The following MAP2K6 variants were observed in gnomAD, a reference collection of about 807,000 sequenced individuals.
MAP2K6 encodes mitogen-activated protein kinase kinase 6.
In MAP2K6, 16 loss-of-function variants were observed where a neutral mutation model predicts 53.7. The ratio of observed to expected loss-of-function variants is 0.30; its 90% CI spans 0.20 to 0.45. MAP2K6 has a LOEUF of 0.45. Ranked by LOEUF, MAP2K6 falls within the 20% of genes least tolerant of loss-of-function variation. MAP2K6 has a pLI of 1.00. For synonymous variants in MAP2K6, 132 were observed against 143.1 expected (o/e 0.92, Z 0.55); for missense variants, 204 against 411.9 (o/e 0.50, Z 4.37).
At chr17:69,511,156 A>G (rs571084082) in intron 2 of MAP2K6, among the ~76,000 whole-genome samples, 19 of 152,236 alleles carry the variant, frequency 1.2e-4, no homozygotes, top group African/African-American at 4.3e-4. Flanking sequence ...AGCAGTTTAT[A>G]TTTTCCCTCG....
In MAP2K6 at chr17:69,553,310, G is replaced by C. The variant is rs1912170567; in HGVS notation, c.*11557G>C. The C allele has an allele frequency of 1.3e-5, 2 of 152,074 alleles. No homozygotes were observed. The highest frequency in any genetic ancestry group is 4.1e-4 in the South Asian group (2 of 4,826). The allele number at this position is 152,074 out of a possible 1,614,324, so 9.4% of individuals were successfully genotyped here. A position where few individuals can be genotyped will look rare whatever the true frequency, so the allele number is the denominator to read the frequency against. On this transcript the variant is annotated 3_prime_UTR_variant, in exon 12 of 12. Coordinates refer to ENST00000590474, the MANE Select transcript of MAP2K6 (RefSeq NM_002758.4). ...TCCAAGATCATATTTTTAAAAAGTA[G>C]GTTTCTGATGTGCCATGAAATATTT...
intron 1 of MAP2K6, among the ~76,000 whole-genome samples, chr17:69,453,717 G>C (rs11870230): frequency 7.9e-5 from 12 of 152,150 alleles, no homozygotes; most frequent in Non-Finnish European, 1.5e-4. Context: ...ATGCAATTTA[G>C]CAATTTTTGT....
intron 1 of MAP2K6, chr17:69,502,014 A>T (rs1163752785): frequency 3.3e-6 from 1 of 307,550 alleles, no homozygotes; most frequent in Non-Finnish European, 4.7e-6. Flanking sequence ...ACACAGCTGG[A>T]AACTGACCAC....
intron 1 of MAP2K6, among the ~76,000 whole-genome samples, chr17:69,449,477 G>C (rs1351057716): frequency 8.0e-6 from 1 of 125,662 alleles, no homozygotes; most frequent in Non-Finnish European, 1.8e-5. Flanking sequence ...AGTCCTCTGA[G>C]GTGTTGGTTG....
At position 69,434,626 on chromosome 17, in the gene MAP2K6, A is replaced by C. The variant is rs1363532450; in HGVS notation, c.16+19626A>C. The C allele has an allele frequency of 3.3e-5, 5 of 152,208 alleles. No homozygotes were observed. In the South Asian group the frequency reaches 1.0e-3, roughly 32 times the overall value. 9.4% of individuals were successfully genotyped at this position (152,208 alleles called of 1,614,324 possible). ...TGCACCAAGGTTATGATAAAATGCA[A>C]AGCCACACCTAACATGGGCTCTTCC... On this transcript the variant is annotated intron_variant, in intron 1 of 11. Coordinates refer to ENST00000590474, the MANE Select transcript of MAP2K6 (RefSeq NM_002758.4).
chr17:69,483,389 A>G (rs1462115585), intron 1 of MAP2K6, among the ~76,000 whole-genome samples: 1 of 152,152 alleles, frequency 6.6e-6, no homozygotes. Flanking sequence ...CTTGGAATAA[A>G]TTTAACGAAA....
In MAP2K6 at chr17:69,438,875, G is replaced by A. The variant is rs565747460; in HGVS notation, c.16+23875G>A. ...GCTGGGATTGCAGGCATGAGCCACC[G>A]CGCCCAGCTGGTACATTTTAAAATG... On this transcript the variant is annotated intron_variant, in intron 1 of 11. Transcript: ENST00000590474. 3.3e-5 allele frequency among the ~76,000 whole-genome samples: 5 copies of A among 152,230 alleles called. No homozygotes were observed. In the East Asian group the frequency reaches 7.7e-4, roughly 24 times the overall value.
chr17:69,450,593 G>A (rs904777492), intron 1 of MAP2K6, among the ~76,000 whole-genome samples: 9 of 152,178 alleles, frequency 5.9e-5, no homozygotes, highest in African/African-American at 2.2e-4. Context: ...GAAGTAGGAC[G>A]TGGGAGGTCA....
At position 69,517,609 on chromosome 17, in the gene MAP2K6, T is replaced by C. The variant is rs760441802; in HGVS notation, c.242T>C (p.Val81Ala). The C allele has an allele frequency of 3.8e-6, 6 of 1,595,444 alleles. No homozygotes were observed. Among genetic ancestry groups the C allele is most frequent in the Non-Finnish European group, 5.1e-6 (6 of 1,169,552 alleles). The change falls in exon 4 of 12, where the codon GTG becomes GCG. Residue 81 changes from valine (V) to alanine (A), a missense_variant. Val to Ala is a moderately conservative substitution (Grantham distance 64, BLOSUM62 0). Transcript: ENST00000590474. The stretch of plus-strand genomic sequence containing the variant: ...GTGCCCAGCGGGCAGATCATGGCAG[T>C]GAAGGTAGAGTTGACATTCTCCCAA... The part of the protein sequence containing the change: ...RHVPSGQIMA[V>A]KRIRATVNSQ...
intron 1 of MAP2K6, among the ~76,000 whole-genome samples, chr17:69,416,176 G>C (rs1387805570): frequency 6.6e-6 from 1 of 152,200 alleles, no homozygotes; most frequent in Admixed American, 6.5e-5. Context: ...GGTCTAACAA[G>C]CTTTTTGCTA....
At chr17:69,444,784 A>T (rs922948149) in intron 1 of MAP2K6, among the ~76,000 whole-genome samples, 2 of 152,232 alleles carry the variant, frequency 1.3e-5, no homozygotes, top group Non-Finnish European at 2.9e-5. Context: ...TGGAAGAGTC[A>T]CCAAACATAA....
rs1308465238 is a variant in MAP2K6 at position 69,494,032 on chromosome 17, C to T, written c.17-11748C>T. Among the ~76,000 whole-genome samples the T allele has an allele frequency of 1.3e-5, 2 of 152,196 alleles. No homozygotes were observed. Among genetic ancestry groups the T allele is most frequent in the Non-Finnish European group, 2.9e-5 (2 of 68,042 alleles). On this transcript the variant is annotated intron_variant, in intron 1 of 11. Transcript: ENST00000590474. This position sits in a 1 kb window ranked among gnomAD's most constrained non-coding sequence, Gnocchi z 4.2. ...CTGCAAAGTAGTCTTGCCAAACAAT[C>T]TGATCAAGTTGAATCTGATCAATTT...
chr17:69,482,859 C>T (rs966588311), intron 1 of MAP2K6, among the ~76,000 whole-genome samples: 1 of 152,002 alleles, frequency 6.6e-6, no homozygotes, highest in African/African-American at 2.4e-5. Context: ...TTTTGCCAAG[C>T]GTTCCTTCAA....
intron 1 of MAP2K6, among the ~76,000 whole-genome samples, chr17:69,450,006 C>G (rs1907157771): frequency 6.6e-6 from 1 of 151,858 alleles, no homozygotes; most frequent in South Asian, 2.1e-4. Flanking sequence ...GCGATCTTGG[C>G]TCACTGCAAC....
chr17:69,420,675 T>C (rs1598252241), intron 1 of MAP2K6, among the ~76,000 whole-genome samples: 1 of 152,220 alleles, frequency 6.6e-6, no homozygotes, highest in East Asian at 1.9e-4. Context: ...ATCTACAGAT[T>C]CTCTGTCCGT....
intron 1 of MAP2K6, among the ~76,000 whole-genome samples, chr17:69,439,226 A>G (rs1245362978): frequency 6.6e-6 from 1 of 152,154 alleles, no homozygotes; most frequent in East Asian, 1.9e-4. Context: ...CTGTTTTCCT[A>G]TGAGGTCTCC....
intron 10 of MAP2K6, among the ~76,000 whole-genome samples, chr17:69,529,113 C>T (rs1408570106): frequency 6.6e-6 from 1 of 152,086 alleles, no homozygotes; most frequent in East Asian, 1.9e-4. Context: ...CAGTTTAATC[C>T]AATGATTCTC....
chr17:69,500,442 T>C (rs1909109267), intron 1 of MAP2K6, among the ~76,000 whole-genome samples: 3 of 81,344 alleles, frequency 3.7e-5, no homozygotes, highest in East Asian at 3.3e-4. Context: ...AGTGAGACTC[T>C]GTCTCAAAAA....
At chr17:69,417,463 T>C (rs1270772415) in intron 1 of MAP2K6, among the ~76,000 whole-genome samples, 1 of 152,208 alleles carries the variant, frequency 6.6e-6, no homozygotes, top group Admixed American at 6.5e-5. Context: ...CTGGAAGGAC[T>C]GGGTTACTGC....
Sources: allele counts gnomAD v4.1 joint callset (sites outside exome capture counted in the v4.1 genomes callset), GRCh38; gene constraint gnomAD v4.1.1; non-coding constraint Gnocchi (gnomAD v3.1); transcripts MANE v1.5; gene names NCBI Gene and HGNC (gene_info 2026-07-23, HGNC 2026-07-21).